The following CASQ2 variants were observed in gnomAD, a reference collection of about 807,000 sequenced individuals.
CASQ2 encodes calsequestrin 2, also known as calsequestrin-2.
CASQ2 carries 49 observed loss-of-function variants against 46.5 expected under a neutral mutation model. The observed-to-expected ratio is 1.05, with a 90% CI of 0.84 to 1.34. CASQ2 has a LOEUF of 1.34. Among genes scored for constraint, CASQ2 ranks in the 40% most tolerant of loss-of-function variants. The pLI is 0.00. For missense variants in CASQ2, 486 were observed against 481.3 expected (o/e 1.01, Z -0.09); for synonymous variants, 174 against 168.5 (o/e 1.03, Z -0.25).
intron 1 of CASQ2, among the ~76,000 whole-genome samples, chr1:115,766,919 A>AT (rs1553197776): frequency 1.8e-3 from 272 of 149,540 alleles, no homozygotes; most frequent in African/African-American, 6.1e-3. Context: ...AGATAGATAG[A>AT]AGGATGATAG....
chr1:115,712,211 C>T (rs1388886620), intron 8 of CASQ2, among the ~76,000 whole-genome samples: 2 of 152,280 alleles, frequency 1.3e-5, no homozygotes, highest in Admixed American at 6.5e-5. Context: ...AAGAAGTCAC[C>T]CGTGAGAGTC....
At chr1:115,711,465 C>T (rs181038821) in intron 8 of CASQ2, among the ~76,000 whole-genome samples, 5 of 152,224 alleles carry the variant, frequency 3.3e-5, no homozygotes, top group East Asian at 1.9e-4. Flanking sequence ...GTTGATATAA[C>T]GAGATGCTAT....
rs115165347 is a variant in CASQ2 at position 115,750,291 on chromosome 1, A to G, written c.235-5379T>C. ...GATTGCAATTTTCTCCTGTTGACGT[A>G]CAACTGTTTCTCTGCTGGTTTTGTT... On this transcript the variant is annotated intron_variant, in intron 1 of 10. Transcript: ENST00000261448. Among the ~76,000 whole-genome samples, 658 of 152,296 alleles carry G rather than the reference A, an allele frequency of 4.3e-3. 3 individuals are homozygous for G. Among genetic ancestry groups the G allele is most frequent in the African/African-American group, 0.015 (634 of 41,558 alleles).
At chr1:115,732,096 G>A (rs1015255759) in intron 5 of CASQ2, 4 of 152,022 alleles carry the variant, frequency 2.6e-5, no homozygotes, top group African/African-American at 9.7e-5. Context: ...TGTATTTTTT[G>A]TAGAGATGGG....
At chr1:115,761,726 C>T (rs554800100) in intron 1 of CASQ2, among the ~76,000 whole-genome samples, 11 of 151,928 alleles carry the variant, frequency 7.2e-5, no homozygotes, top group Admixed American at 7.2e-4. Context: ...ATCAAGAGAT[C>T]CACTAAACAG....
chr1:115,736,027 G>T (rs1304510994), intron 4 of CASQ2, among the ~76,000 whole-genome samples: 1 of 151,868 alleles, frequency 6.6e-6, no homozygotes, highest in Admixed American at 6.6e-5. Context: ...GCCAGGCATG[G>T]TGGCAGGCGC....
intron 8 of CASQ2, among the ~76,000 whole-genome samples, chr1:115,714,311 A>T (rs1224165517): frequency 6.6e-6 from 1 of 152,212 alleles, no homozygotes; most frequent in Admixed American, 6.5e-5. Context: ...AGCCTGCTTG[A>T]ATTTGAATCT....
chr1:115,715,718 A>G (rs370313354), intron 8 of CASQ2, among the ~76,000 whole-genome samples: 1 of 152,238 alleles, frequency 6.6e-6, no homozygotes, highest in Non-Finnish European at 1.5e-5. Flanking sequence ...TATAAATTAT[A>G]TGATAAAAAA....
At chr1:115,755,377 TACTC>T (rs1278364949) in intron 1 of CASQ2, among the ~76,000 whole-genome samples, 1 of 152,134 alleles carries the variant, frequency 6.6e-6, no homozygotes, top group Admixed American at 6.5e-5. Context: ...TTTCACATGA[TACTC>T]AGTGCTTTCT....
intron 1 of CASQ2, among the ~76,000 whole-genome samples, chr1:115,761,479 A>AAGAAGG (rs1557806795): frequency 2.3e-4 from 5 of 21,354 alleles, no homozygotes; most frequent in Admixed American, 4.5e-4. Context: ...GAAGAAGAAG[A>AAGAAGG]AGAAGAAGGA....
intron 4 of CASQ2, among the ~76,000 whole-genome samples, chr1:115,734,266 C>A (rs71666763): frequency 6.6e-6 from 1 of 152,204 alleles, no homozygotes; most frequent in African/African-American, 2.4e-5. Flanking sequence ...AAAGCAACAC[C>A]TAAGCCATCT....
At chr1:115,759,791 T>C (rs1443008471) in intron 1 of CASQ2, among the ~76,000 whole-genome samples, 1 of 152,210 alleles carries the variant, frequency 6.6e-6, no homozygotes, top group Non-Finnish European at 1.5e-5. Flanking sequence ...CCCACTTCCA[T>C]CTACCTTCAG....
In CASQ2 at chr1:115,701,293, T is replaced by C. The variant is rs397516640; in HGVS notation, c.1148A>G (p.Asp383Gly). The C allele has an allele frequency of 7.7e-5, 118 of 1,533,200 alleles. No individual in the cohort carries two copies. Among genetic ancestry groups the C allele is most frequent in the Non-Finnish European group, 9.9e-5 (111 of 1,118,210 alleles). The allele number at this position is 1,533,200 out of a possible 1,614,324, so 95.0% of individuals were successfully genotyped here. A position where few individuals can be genotyped will look rare whatever the true frequency, so the allele number is the denominator to read the frequency against. ...EDDDEDDDDD[D>G]NSDEEDNDDS... The stretch of plus-strand genomic sequence containing the variant: ...ATCATTATCCTCTTCATCAGAATTA[T>C]CATCATCATCATCATCTTCATCATC... The change falls in exon 11 of 11, where the codon GAT becomes GGT. Residue 383 changes from aspartate to glycine, a missense_variant. Physicochemically the swap from Asp to Gly is moderately conservative, Grantham distance 94. Coordinates refer to ENST00000261448, the MANE Select transcript of CASQ2 (RefSeq NM_001232.4).
intron 1 of CASQ2, among the ~76,000 whole-genome samples, chr1:115,751,369 TA>T (rs199758163): frequency 2.0e-5 from 3 of 150,844 alleles, no homozygotes; most frequent in African/African-American, 4.9e-5. Context: ...GGAAATTCAT[TA>T]AAAAAAAATA....
At chr1:115,764,369 T>A (rs1649064244) in intron 1 of CASQ2, among the ~76,000 whole-genome samples, 1 of 152,210 alleles carries the variant, frequency 6.6e-6, no homozygotes, top group African/African-American at 2.4e-5. Flanking sequence ...AATGGTATAA[T>A]TCCCAATTGA....
At chr1:115,739,366 T>C (rs531514349) in intron 3 of CASQ2, among the ~76,000 whole-genome samples, 100 of 152,120 alleles carry the variant, frequency 6.6e-4, no homozygotes, top group South Asian at 1.5e-3. Flanking sequence ...CAGCCCACCT[T>C]GGCCTCCCAA....
intron 7 of CASQ2, among the ~76,000 whole-genome samples, chr1:115,721,236 C>T (rs1196166600): frequency 1.3e-5 from 2 of 152,250 alleles, no homozygotes; most frequent in Admixed American, 1.3e-4. Context: ...CCCAGGACTC[C>T]AGCGGGCCAC....
intron 7 of CASQ2, among the ~76,000 whole-genome samples, chr1:115,720,286 CAG>C (rs1473380246): frequency 6.6e-6 from 1 of 152,092 alleles, no homozygotes; most frequent in Non-Finnish European, 1.5e-5. Context: ...CTTTCTGGCT[CAG>C]AAGCAGTGCC....
Position 115,725,518 on chromosome 1 carries a change from A to T in CASQ2, c.773T>A (p.Phe258Tyr), listed in dbSNP as rs1307677205. 2 of 1,610,946 alleles carry T rather than the reference A, an allele frequency of 1.2e-6. No homozygotes were observed. The highest frequency in any genetic ancestry group is 2.7e-5 in the African/African-American group (2 of 73,806). Reference sequence around the variant, plus strand: ...TTGCCTCTTTCTTACCCATGTTTCAAACATTTCTTCTGGGCGCAGGCGACG... The same window carrying T: ...TTGCCTCTTTCTTACCCATGTTTCATACATTTCTTCTGGGCGCAGGCGACG... ...TLRRLRPEEM[F>Y]ETWEDDLNGI... Residue 258 changes from phenylalanine to tyrosine, a missense_variant, in exon 7 of 11, where the codon TTT becomes TAT. Coordinates refer to ENST00000261448, the MANE Select transcript of CASQ2 (RefSeq NM_001232.4).
Sources: allele counts gnomAD v4.1 joint callset (sites outside exome capture counted in the v4.1 genomes callset), GRCh38; gene constraint gnomAD v4.1.1; transcripts MANE v1.5; gene names NCBI Gene and HGNC (gene_info 2026-07-23, HGNC 2026-07-21).